ZNF225: variants seen among roughly 807,000 people sequenced by gnomAD.
ZNF225 encodes the protein zinc finger protein 225.
Under a neutral mutation model 12.0 loss-of-function variants are expected in ZNF225, and 6 were observed. The ratio of observed to expected loss-of-function variants is 0.50; its 90% CI spans 0.27 to 0.98. The LOEUF is 0.98. Ranked by LOEUF, ZNF225 falls within the 50% of genes least tolerant of loss-of-function variation. The pLI is 0.11. For synonymous variants in ZNF225, 271 were observed against 283.2 expected (o/e 0.96, Z 0.43); for missense variants, 763 against 848.2 (o/e 0.90, Z 1.25).
chr19:44,115,963 G>C, intron 2 of ZNF225, 121 bp downstream of exon 2: 1 of 960,526 alleles, frequency 1.0e-6, no homozygotes, highest in Non-Finnish European at 1.5e-6. Flanking sequence ...CGGAGTTCAA[G>C]TGATTCTCCT....
chr19:44,130,661 A>ACTGCACTC (rs1450352533), intron 4 of ZNF225, 189 bp from the exon 5 acceptor site: 5 of 364,782 alleles, frequency 1.4e-5, no homozygotes, highest in Non-Finnish European at 2.4e-5. Flanking sequence ...AGATCACGCC[A>ACTGCACTC]CTGCACTCCA....
Position 44,132,981 on chromosome 19 carries a change from C to T in ZNF225, c.*246C>T. The T allele has an allele frequency of 3.1e-6, 1 of 327,738 alleles. No individual in the cohort carries two copies. The highest frequency in any genetic ancestry group is 5.6e-6 in the Non-Finnish European group (1 of 179,390). The allele number at this position is 327,738 out of a possible 1,614,324, so 20.3% of individuals were successfully genotyped here. A position where few individuals can be genotyped will look rare whatever the true frequency, so the allele number is the denominator to read the frequency against. ...TGCCTGTATTTCTGTATTCATTAAC[C>T]AACCTTTGGCTACCACCCTGCCTCC... On this transcript the variant is annotated 3_prime_UTR_variant, in exon 5 of 5. Coordinates refer to ENST00000262894, the MANE Select transcript of ZNF225 (RefSeq NM_013362.4).
upstream of ZNF225, chr19:44,111,826 T>C (rs1184409030): frequency 6.6e-6 from 1 of 152,178 alleles, no homozygotes; most frequent in Non-Finnish European, 1.5e-5. Flanking sequence ...CTTTGGGTGA[T>C]AAAAATGTTT....
chr19:44,125,890 AT>A (rs890730604), intron 4 of ZNF225, among the ~76,000 whole-genome samples: 14 of 148,290 alleles, frequency 9.4e-5, no homozygotes, highest in African/African-American at 1.6e-4. Context: ...TGAATTTTTT[AT>A]TTTTTTTTAT....
intron 4 of ZNF225, among the ~76,000 whole-genome samples, chr19:44,125,485 C>A (rs10420015): frequency 0.063 from 9,659 of 152,198 alleles, 1,034 homozygotes; most frequent in African/African-American, 0.22. Flanking sequence ...TTCGTCTTAA[C>A]TTTGGATAAC....
At chr19:44,119,539 CCTT>C (rs1326962183) in intron 4 of ZNF225, among the ~76,000 whole-genome samples, 1 of 152,158 alleles carries the variant, frequency 6.6e-6, no homozygotes, top group African/African-American at 2.4e-5. Flanking sequence ...CATTTCTGAC[CCTT>C]CTTCCATAGT....
intron 4 of ZNF225, among the ~76,000 whole-genome samples, chr19:44,121,085 A>G (rs1968046891): frequency 6.6e-6 from 1 of 151,992 alleles, no homozygotes; most frequent in Non-Finnish European, 1.5e-5. Flanking sequence ...TTTTTAGTAG[A>G]TACGGGTTTT....
chr19:44,126,182 A>G (rs938365210), intron 4 of ZNF225, among the ~76,000 whole-genome samples: 3 of 152,138 alleles, frequency 2.0e-5, no homozygotes, highest in Non-Finnish European at 4.4e-5. Flanking sequence ...GTCAGAGGTA[A>G]GGTCTAGGGC....
In ZNF225 at chr19:44,132,109, C is replaced by A; in HGVS notation, c.1495C>A (p.Leu499Ile). ...GAAAAGATTTACTCAGAATTCACAA[C>A]TTTATACCCATCGTAGAGTCCACAG... is the stretch of plus-strand genomic sequence containing the variant. ...CGKRFTQNSQ[L>I]YTHRRVHSGE... Residue 499 changes from leucine to isoleucine, a missense_variant, in exon 5 of 5, where the codon CTT becomes ATT. Physicochemically the swap from Leu to Ile is conservative, Grantham distance 5. Transcript: ENST00000262894. 6.2e-7 allele frequency: 1 copy of A among 1,614,116 alleles called. No homozygotes were observed. The highest frequency in any genetic ancestry group is 1.3e-5 in the African/African-American group (1 of 75,046).
rs925697834 is a variant in ZNF225, at chr19:44,118,691, A to G, written c.235+117A>G. On this transcript the variant is annotated intron_variant, in intron 4 of 4. Transcript: ENST00000262894. ...GGCCAGACCTCTTTCCTGAATTATT[A>G]CAGCTGACTTTCGGCTGGTTTCCCT... 4 of 1,052,490 alleles carry G rather than the reference A, an allele frequency of 3.8e-6. No individual in the cohort carries two copies. The African/African-American group carries it at 6.5e-5, about 17-fold the overall frequency. The allele number at this position is 1,052,490 out of a possible 1,614,324, so 65.2% of individuals were successfully genotyped here.
chr19:44,121,447 T>C (rs977012749), intron 4 of ZNF225, among the ~76,000 whole-genome samples: 1 of 152,262 alleles, frequency 6.6e-6, no homozygotes, highest in Non-Finnish European at 1.5e-5. Flanking sequence ...ATTGTGCTGC[T>C]GTAAACATGC....
chr19:44,125,890 A>AT (rs890730604), intron 4 of ZNF225, among the ~76,000 whole-genome samples: 26 of 148,290 alleles, frequency 1.8e-4, no homozygotes, highest in South Asian at 1.7e-3. Flanking sequence ...TGAATTTTTT[A>AT]TTTTTTTTTA....
intron 4 of ZNF225, among the ~76,000 whole-genome samples, chr19:44,123,969 T>TTTTTGTTTTG (rs146895973): frequency 6.6e-6 from 1 of 151,728 alleles, no homozygotes; most frequent in African/African-American, 2.4e-5. Flanking sequence ...TCTTTTGTAT[T>TTTTTGTTTTG]TTTTGTTTTG....
intron 4 of ZNF225, among the ~76,000 whole-genome samples, chr19:44,124,544 A>G (rs1568539872): frequency 6.6e-6 from 1 of 152,186 alleles, no homozygotes; most frequent in Non-Finnish European, 1.5e-5. Flanking sequence ...GTTGCAAGAC[A>G]TAGTTTAAAT....
chr19:44,114,903 C>A (rs978658622), intron 1 of ZNF225, among the ~76,000 whole-genome samples: 3 of 152,140 alleles, frequency 2.0e-5, no homozygotes, highest in African/African-American at 7.2e-5. Context: ...TGGCTAAAGT[C>A]ATGTTTGTCA....
intron 4 of ZNF225, among the ~76,000 whole-genome samples, chr19:44,119,458 T>C (rs746008179): frequency 9.2e-5 from 14 of 152,218 alleles, no homozygotes; most frequent in Non-Finnish European, 2.1e-4. Flanking sequence ...AGCCTTTATT[T>C]TGGTTTACCA....
chr19:44,131,446 C>T lies in ZNF225; in HGVS notation c.832C>T (p.His278Tyr), dbSNP rs1219174114. ...AFIHDSQLQE[H>Y]QRIHTGEKPF... ...CATTCATGATTCCCAGCTTCAGGAA[C>T]ATCAAAGAATCCATACTGGGGAGAA... Residue 278 changes from histidine to tyrosine, a missense_variant, in exon 5 of 5, where the codon CAT becomes TAT. By Grantham distance (83) the His-to-Tyr change is moderately conservative. Coordinates refer to ENST00000262894, the MANE Select transcript of ZNF225 (RefSeq NM_013362.4). 8.7e-6 allele frequency: 14 copies of T among 1,614,152 alleles called. No individual in the cohort carries two copies. Among genetic ancestry groups the T allele is most frequent in the South Asian group, 1.1e-5 (1 of 91,086 alleles).
intron 1 of ZNF225, among the ~76,000 whole-genome samples, chr19:44,114,826 T>C (rs533122499): frequency 6.6e-6 from 1 of 152,338 alleles, no homozygotes; most frequent in African/African-American, 2.4e-5. Context: ...GGTAAATTTC[T>C]TATTGCAACA....
intron 1 of ZNF225, chr19:44,114,030 C>T (rs562885334): frequency 5.9e-6 from 2 of 340,270 alleles, no homozygotes; most frequent in South Asian, 1.5e-4. Flanking sequence ...TCCCGGACGC[C>T]TTCTGACCTC....
Sources: allele counts gnomAD v4.1 joint callset (sites outside exome capture counted in the v4.1 genomes callset), GRCh38; gene constraint gnomAD v4.1.1; transcripts MANE v1.5; gene names NCBI Gene and HGNC (gene_info 2026-07-23, HGNC 2026-07-21).